The following NSMCE2 variants were observed in gnomAD, a reference collection of about 807,000 sequenced individuals.
NSMCE2 encodes NSE2 SUMO ligase component of SMC5/6 complex, also known as E3 SUMO-protein ligase NSE2.
NSMCE2 carries 24 observed loss-of-function variants against 23.8 expected under a neutral mutation model. The observed-to-expected ratio is 1.01, with a 90% CI of 0.73 to 1.42. NSMCE2 has a LOEUF of 1.42. Ranked by LOEUF, NSMCE2 falls within the 40% of genes most tolerant of loss-of-function variation. The probability of loss-of-function intolerance (pLI) is 0.00; values close to 1 mark genes in which losing one functional copy is unlikely to be tolerated. For missense variants in NSMCE2, 284 were observed against 296.5 expected (o/e 0.96, Z 0.31); for synonymous variants, 92 against 94.1 (o/e 0.98, Z 0.13).
At chr8:125,254,053 T>G (rs1453139212) in intron 5 of NSMCE2, among the ~76,000 whole-genome samples, 1 of 152,200 alleles carries the variant, frequency 6.6e-6, no homozygotes, top group Non-Finnish European at 1.5e-5. Context: ...GCATCTCTCT[T>G]AATTCAGCAA....
intron 5 of NSMCE2, among the ~76,000 whole-genome samples, chr8:125,201,020 A>G (rs1055466596): frequency 2.6e-5 from 4 of 152,116 alleles, no homozygotes; most frequent in Non-Finnish European, 5.9e-5. Context: ...CAGCTCTATC[A>G]ATTCATTTAA....
intron 5 of NSMCE2, among the ~76,000 whole-genome samples, chr8:125,324,087 T>C (rs1243397122): frequency 6.6e-6 from 1 of 152,204 alleles, no homozygotes; most frequent in African/African-American, 2.4e-5. Context: ...TCAGCCTCTT[T>C]TAGTCATTAG....
chr8:125,262,800 C>T (rs1826751559), intron 5 of NSMCE2, among the ~76,000 whole-genome samples: 2 of 152,064 alleles, frequency 1.3e-5, no homozygotes, highest in African/African-American at 2.4e-5. Flanking sequence ...CTGTTTACTT[C>T]GTAGCTTTGA....
In NSMCE2 at chr8:125,329,974, C is replaced by T. The variant is rs190224668; in HGVS notation, c.419-27245C>T. ...ACTATCACTTCTCTCCAGCCCCCTCCGAAAGAACCATCATTACCTAGAATC... is the reference window on the plus strand; with the variant it reads ...ACTATCACTTCTCTCCAGCCCCCTCTGAAAGAACCATCATTACCTAGAATC... On this transcript the variant is annotated intron_variant, in intron 5 of 7. Transcript: ENST00000287437. Among the ~76,000 whole-genome samples, 35 of 151,942 alleles carry T rather than the reference C, an allele frequency of 2.3e-4. No individual in the cohort carries two copies. The East Asian group carries it at 6.4e-3, about 28-fold the overall frequency.
intron 5 of NSMCE2, among the ~76,000 whole-genome samples, chr8:125,231,832 A>G (rs1825335848): frequency 6.6e-6 from 1 of 152,340 alleles, no homozygotes; most frequent in Middle Eastern, 3.4e-3. Flanking sequence ...TCTCTCTACC[A>G]TGCACCTCTT....
intron 3 of NSMCE2, among the ~76,000 whole-genome samples, chr8:125,104,079 C>G: frequency 6.6e-6 from 1 of 151,756 alleles, no homozygotes; most frequent in East Asian, 1.9e-4. Context: ...CAACCTCCGC[C>G]TCCCGGGTTC....
At chr8:125,228,471 A>G (rs1479481055) in intron 5 of NSMCE2, among the ~76,000 whole-genome samples, 2 of 152,214 alleles carry the variant, frequency 1.3e-5, no homozygotes, top group African/African-American at 4.8e-5. Flanking sequence ...TGCTGAGAAA[A>G]CACAAAAGGA....
chr8:125,257,055 G>A (rs550976668), intron 5 of NSMCE2, among the ~76,000 whole-genome samples: 149 of 151,368 alleles, frequency 9.8e-4, no homozygotes, highest in Non-Finnish European at 9.6e-4. Flanking sequence ...AAACCTAAGC[G>A]GGCAGATCAC....
At chr8:125,184,276 C>T (rs1822967934) in intron 5 of NSMCE2, among the ~76,000 whole-genome samples, 1 of 152,138 alleles carries the variant, frequency 6.6e-6, no homozygotes, top group African/African-American at 2.4e-5. Context: ...GAATCATACT[C>T]ATGGAGAAAC....
chr8:125,165,619 T>A (rs1276041563), intron 4 of NSMCE2, among the ~76,000 whole-genome samples: 3 of 152,220 alleles, frequency 2.0e-5, no homozygotes, highest in African/African-American at 7.2e-5. Context: ...TTGTTTGGCT[T>A]GGAGAAGTAA....
intron 4 of NSMCE2, among the ~76,000 whole-genome samples, chr8:125,162,558 G>T (rs1821683614): frequency 6.6e-6 from 1 of 151,676 alleles, no homozygotes; most frequent in African/African-American, 2.4e-5. Context: ...CTCTATGCTC[G>T]CTTGCAAAAT....
At chr8:125,102,565 G>C in intron 3 of NSMCE2, 78 bp downstream of exon 3, 6 of 1,161,044 alleles carry the variant, frequency 5.2e-6, no homozygotes, top group Non-Finnish European at 7.7e-6. Context: ...GGTGCCTTTT[G>C]AGTATCCTTG....
rs951581507 is a variant in NSMCE2, at chr8:125,092,931, A to T, written c.-111+973A>T. 3.9e-4 allele frequency among the ~76,000 whole-genome samples: 59 copies of T among 152,172 alleles called. 1 individual carries two copies. The highest frequency in any genetic ancestry group is 3.4e-3 in the Admixed American group (52 of 15,280). On this transcript the variant is annotated intron_variant, in intron 1 of 7. Transcript: ENST00000287437. Reference sequence around the variant, plus strand: ...TGAGGGCTGTCCTGTGTTTTGTAGGATGCTTAAGAGCATCCCTGGCCTCTG... The same window carrying T: ...TGAGGGCTGTCCTGTGTTTTGTAGGTTGCTTAAGAGCATCCCTGGCCTCTG...
chr8:125,201,076 T>G (rs1823850635), intron 5 of NSMCE2, among the ~76,000 whole-genome samples: 1 of 152,198 alleles, frequency 6.6e-6, no homozygotes, highest in Non-Finnish European at 1.5e-5. Flanking sequence ...CGTCTAACCT[T>G]TTTTCAAGTT....
At chr8:125,112,512 A>T (rs1436893114) in intron 3 of NSMCE2, among the ~76,000 whole-genome samples, 1 of 152,224 alleles carries the variant, frequency 6.6e-6, no homozygotes, top group African/African-American at 2.4e-5. Flanking sequence ...GGATGAATGC[A>T]TAAAGAAAAC....
At chr8:125,348,948 ATGAGGAAAC>A (rs1221567425) in intron 5 of NSMCE2, 1 of 151,622 alleles carries the variant, frequency 6.6e-6, no homozygotes, top group Non-Finnish European at 1.5e-5. Flanking sequence ...CACCAGTCCC[ATGAGGAAAC>A]TGAGGTACAA....
intron 5 of NSMCE2, among the ~76,000 whole-genome samples, chr8:125,215,973 G>A (rs1344936432): frequency 6.6e-6 from 1 of 152,182 alleles, no homozygotes; most frequent in Non-Finnish European, 1.5e-5. Context: ...GATCACTTGA[G>A]CCTAGGAGGT....
chr8:125,181,118 T>C (rs575723557), intron 4 of NSMCE2, among the ~76,000 whole-genome samples: 3 of 152,304 alleles, frequency 2.0e-5, no homozygotes, highest in African/African-American at 7.2e-5. Context: ...GGAGAGCAGC[T>C]GCAGCAAAGT....
intron 3 of NSMCE2, among the ~76,000 whole-genome samples, chr8:125,133,164 G>A (rs544500492): frequency 6.6e-6 from 1 of 152,174 alleles, no homozygotes; most frequent in Non-Finnish European, 1.5e-5. Context: ...ATATCCACTA[G>A]AGGATGATAA....
Sources: allele counts gnomAD v4.1 joint callset (sites outside exome capture counted in the v4.1 genomes callset), GRCh38; gene constraint gnomAD v4.1.1; transcripts MANE v1.5; gene names NCBI Gene and HGNC (gene_info 2026-07-23, HGNC 2026-07-21).